ARSB: variants seen among roughly 807,000 people sequenced by gnomAD.
ARSB encodes arylsulfatase B.
Under a neutral mutation model 50.9 loss-of-function variants are expected in ARSB, and 41 were observed. The ratio of observed to expected loss-of-function variants is 0.81; its 90% CI spans 0.63 to 1.04. The LOEUF is 1.04. ARSB is among the 50% of genes least tolerant of loss of function. The pLI, the probability that ARSB is intolerant of heterozygous loss-of-function variation, is 0.00. For missense variants in ARSB, 672 were observed against 693.3 expected, an observed-to-expected ratio of 0.97 and a Z score of 0.35; for synonymous variants, 269 against 284.8, an observed-to-expected ratio of 0.94 and a Z score of 0.56.
At chr5:78,975,999 G>A (rs1444599270) in intron 1 of ARSB, among the ~76,000 whole-genome samples, 1 of 152,126 alleles carries the variant, frequency 6.6e-6, no homozygotes, top group Non-Finnish European at 1.5e-5. Context: ...TGAACTAAAT[G>A]CAGTACACAA....
At chr5:78,932,680 C>A (rs1284698695) in intron 4 of ARSB, among the ~76,000 whole-genome samples, 1 of 152,198 alleles carries the variant, frequency 6.6e-6, no homozygotes, top group Non-Finnish European at 1.5e-5. Flanking sequence ...TAAGCACCTA[C>A]TTCTTCATCT....
intron 1 of ARSB, among the ~76,000 whole-genome samples, chr5:78,976,567 C>T (rs1008156870): frequency 6.6e-6 from 1 of 152,080 alleles, no homozygotes; most frequent in East Asian, 1.9e-4. Context: ...CTAGGCCTCC[C>T]AAATTGCTGG....
chr5:78,982,248 C>T, intron 1 of ARSB, among the ~76,000 whole-genome samples: 1 of 152,234 alleles, frequency 6.6e-6, no homozygotes, highest in East Asian at 1.9e-4. Context: ...CAACTTCCTT[C>T]AAGTAACTCA....
chr5:78,819,332 C>G (rs1353361847), intron 6 of ARSB, among the ~76,000 whole-genome samples: 2 of 152,194 alleles, frequency 1.3e-5, no homozygotes, highest in Non-Finnish European at 2.9e-5. Context: ...TCTGCCTTGG[C>G]AAAGACCAAG....
chr5:78,929,736 T>C (rs1750226192), intron 4 of ARSB, among the ~76,000 whole-genome samples: 1 of 145,116 alleles, frequency 6.9e-6, no homozygotes, highest in Non-Finnish European at 1.5e-5. Flanking sequence ...GAGATTGCAG[T>C]CAGCCGAGAT....
intron 6 of ARSB, among the ~76,000 whole-genome samples, chr5:78,791,583 CAT>C (rs1749236548): frequency 6.6e-6 from 1 of 152,210 alleles, no homozygotes; most frequent in South Asian, 2.1e-4. Flanking sequence ...CGCTGGTGCA[CAT>C]GTGGCTCAAA....
intron 6 of ARSB, among the ~76,000 whole-genome samples, chr5:78,809,295 T>C (rs1484116142): frequency 6.6e-6 from 1 of 152,030 alleles, no homozygotes; most frequent in African/African-American, 2.4e-5. Context: ...TTGAACTGGA[T>C]CTCAAAGAAC....
chr5:78,858,025 C>T (rs1746238315), intron 5 of ARSB, among the ~76,000 whole-genome samples: 1 of 152,134 alleles, frequency 6.6e-6, no homozygotes, highest in Admixed American at 6.5e-5. Flanking sequence ...GGTTAAGTGA[C>T]TTACACAATC....
intron 4 of ARSB, among the ~76,000 whole-genome samples, chr5:78,898,375 ACT>A (rs1748665376): frequency 6.6e-6 from 1 of 152,116 alleles, no homozygotes; most frequent in South Asian, 2.1e-4. Context: ...TTCTATACAA[ACT>A]CTTTCAAAAA....
chr5:78,953,672 G>A (rs551491444), intron 4 of ARSB, among the ~76,000 whole-genome samples: 1 of 152,228 alleles, frequency 6.6e-6, no homozygotes, highest in South Asian at 2.1e-4. Flanking sequence ...GACAAGCCCT[G>A]ACCTGGCACT....
At chr5:78,942,240 G>C (rs1750970800) in intron 4 of ARSB, among the ~76,000 whole-genome samples, 2 of 152,134 alleles carry the variant, frequency 1.3e-5, no homozygotes, top group Non-Finnish European at 2.9e-5. Context: ...CCAGCTCCTG[G>C]ATTCATTGAT....
chr5:78,985,523 T>G, upstream of ARSB: 1 of 261,154 alleles, frequency 3.8e-6, no homozygotes, highest in East Asian at 7.4e-5. Flanking sequence ...CAAGGCCCGT[T>G]ATCTTCCCCG....
chr5:78,943,335 T>A (rs926510852), intron 4 of ARSB, among the ~76,000 whole-genome samples: 1 of 152,198 alleles, frequency 6.6e-6, no homozygotes, highest in Non-Finnish European at 1.5e-5. Flanking sequence ...GTTAGCTGGT[T>A]ATTTTGCTCG....
intron 4 of ARSB, among the ~76,000 whole-genome samples, chr5:78,921,828 A>T (rs1478687684): frequency 6.6e-6 from 1 of 152,252 alleles, no homozygotes; most frequent in Admixed American, 6.5e-5. Flanking sequence ...TAGGAAAGAC[A>T]GTCACGAATT....
At chr5:78,816,174 A>T (rs1743983598) in intron 6 of ARSB, 1 of 1,613,814 alleles carries the variant, frequency 6.2e-7, no homozygotes, top group Non-Finnish European at 8.5e-7. Flanking sequence ...GTACGGTTGT[A>T]TCAGGACTGC....
At chr5:78,955,548 T>C in intron 3 of ARSB, 46 bp from the exon 4 acceptor site, 1 of 1,480,304 alleles carries the variant, frequency 6.8e-7, no homozygotes, top group Non-Finnish European at 9.4e-7. Flanking sequence ...TATTGAAGCA[T>C]TAAATATAGA....
chr5:78,882,214 T>C (rs1012224357), intron 5 of ARSB, among the ~76,000 whole-genome samples: 1 of 152,182 alleles, frequency 6.6e-6, no homozygotes, highest in African/African-American at 2.4e-5. Flanking sequence ...ATTAGAATAA[T>C]ATTTCTAGGT....
chr5:78,852,099 C>T (rs144234978), intron 5 of ARSB, among the ~76,000 whole-genome samples: 2,493 of 152,290 alleles, frequency 0.016, 26 homozygotes, highest in South Asian at 0.034. Context: ...TTGATCTTGT[C>T]ATTATGATAT....
intron 5 of ARSB, among the ~76,000 whole-genome samples, chr5:78,852,463 G>A (rs889602016): frequency 1.2e-4 from 18 of 152,144 alleles, no homozygotes; most frequent in Non-Finnish European, 2.4e-4. Flanking sequence ...TGGGTAACCC[G>A]ACCTTTCTCT....
Sources: gnomAD v4.1 joint callset for allele counts (sites outside exome capture counted in the v4.1 genomes callset) on GRCh38, gnomAD v4.1.1 for gene constraint, MANE v1.5 for transcripts, NCBI Gene and HGNC (gene_info 2026-07-23, HGNC 2026-07-21) for gene names.